TTC13: variants seen among roughly 807,000 people sequenced by gnomAD.
The protein encoded by TTC13 is tetratricopeptide repeat domain 13.
TTC13 carries 62 observed loss-of-function variants against 120.0 expected under a neutral mutation model. That is an observed-to-expected ratio of 0.52 (90% CI 0.42 to 0.64). The LOEUF (loss-of-function observed/expected upper bound fraction) is 0.64. Ranked by LOEUF, TTC13 falls within the 30% of genes least tolerant of loss-of-function variation. The probability of loss-of-function intolerance (pLI) is 0.00; values close to 1 mark genes in which losing one functional copy is unlikely to be tolerated. For missense variants in TTC13, 824 were observed against 1,050.2 expected, an observed-to-expected ratio of 0.78 and a Z score of 2.98; for synonymous variants, 384 against 393.5, an observed-to-expected ratio of 0.98 and a Z score of 0.28.
chr1:230,931,944 C>T, intron 9 of TTC13, 67 bp from the exon 10 acceptor site: 2 of 1,512,974 alleles, frequency 1.3e-6, no homozygotes, highest in Non-Finnish European at 1.8e-6. Context: ...ATAAGCTATC[C>T]TCAGAATTAT....
At position 230,942,327 on chromosome 1, in the gene TTC13, T is replaced by C. The variant is rs1435014602; in HGVS notation, c.672+1479A>G. Among the ~76,000 whole-genome samples, 5 of 152,094 alleles carry C rather than the reference T, an allele frequency of 3.3e-5. No individual in the cohort carries two copies. In the East Asian group the frequency reaches 7.7e-4, roughly 23 times the overall value. The stretch of plus-strand genomic sequence containing the variant: ...TAAACACCAACTAAATACCAGCAAG[T>C]CTCATGCAGTGATAAACTATAGTCA... On this transcript the variant is annotated intron_variant, in intron 6 of 22. Coordinates refer to ENST00000366661, the MANE Select transcript of TTC13 (RefSeq NM_024525.5). This position sits in a 1 kb window ranked among gnomAD's most constrained non-coding sequence, Gnocchi z 4.0.
chr1:230,967,352 TG>T (rs909109714), intron 1 of TTC13, among the ~76,000 whole-genome samples: 3 of 152,190 alleles, frequency 2.0e-5, no homozygotes, highest in African/African-American at 7.2e-5. Context: ...GTGTCAGCTA[TG>T]GGTTGAGACT....
At chr1:230,977,578 A>G (rs1230870235) in intron 1 of TTC13, among the ~76,000 whole-genome samples, 1 of 150,838 alleles carries the variant, frequency 6.6e-6, no homozygotes, top group African/African-American at 2.4e-5. Flanking sequence ...TTGACGTCTC[A>G]TCTCAACTAA....
At chr1:230,910,078 T>C (rs1007894739) in intron 20 of TTC13, among the ~76,000 whole-genome samples, 1 of 152,088 alleles carries the variant, frequency 6.6e-6, no homozygotes, top group African/African-American at 2.4e-5. Flanking sequence ...CATGAGATAA[T>C]GCATCCTAGC....
intron 19 of TTC13, 37 bp downstream of exon 19, chr1:230,912,586 A>T: frequency 6.2e-7 from 1 of 1,601,928 alleles, no homozygotes. Flanking sequence ...AAAGAATCAT[A>T]GGAAGAGCAG....
chr1:230,925,456 G>C (rs1334837848), intron 13 of TTC13, 61 bp downstream of exon 13: 69 of 1,582,656 alleles, frequency 4.4e-5, no homozygotes, highest in Non-Finnish European at 5.5e-5. Context: ...GCACAACATG[G>C]CTTAACCACC....
At chr1:230,929,208 A>C in intron 11 of TTC13, 115 bp from the exon 12 acceptor site, 1 of 1,144,158 alleles carries the variant, frequency 8.7e-7, no homozygotes, top group East Asian at 2.5e-5. Flanking sequence ...AAGAATTCTA[A>C]AGAGTTTCTA....
At chr1:230,950,882 C>T (rs995453823) in intron 4 of TTC13, among the ~76,000 whole-genome samples, 5 of 152,182 alleles carry the variant, frequency 3.3e-5, no homozygotes, top group African/African-American at 9.7e-5. Context: ...GGAAAAAGTT[C>T]TACTTTTCAA....
intron 3 of TTC13, 104 bp downstream of exon 3, chr1:230,958,120 G>T (rs543923026): frequency 2.7e-6 from 3 of 1,126,526 alleles, no homozygotes; most frequent in Admixed American, 5.1e-5. Flanking sequence ...GCTCAAATTG[G>T]CAAAGCCAGT....
rs763150852 is a variant in TTC13, at chr1:230,961,187, AAC to A, written c.366+20_366+21del. The A allele has an allele frequency of 1.3e-6, 2 of 1,597,870 alleles. No homozygotes were observed. Among genetic ancestry groups the A allele is most frequent in the Admixed American group, 3.4e-5 (2 of 59,308 alleles). On this transcript the variant is annotated intron_variant, in intron 2 of 22. Transcript: ENST00000366661. ...ACTGGGCTTCAGGTTACAAAAACAG[AAC>A]ACAGAGAGAAGATGCATACCAGAAT...
intron 4 of TTC13, 96 bp from the exon 5 acceptor site, chr1:230,945,550 G>T: frequency 9.1e-7 from 1 of 1,094,232 alleles, no homozygotes; most frequent in Non-Finnish European, 1.4e-6. Flanking sequence ...GCAAGTGACA[G>T]CTCTACTTCT....
At chr1:230,971,718 T>G (rs533388340) in intron 1 of TTC13, among the ~76,000 whole-genome samples, 30 of 152,136 alleles carry the variant, frequency 2.0e-4, no homozygotes, top group African/African-American at 7.2e-4. Flanking sequence ...TAAACATATG[T>G]AAAGAATCAA....
intron 14 of TTC13, among the ~76,000 whole-genome samples, chr1:230,924,297 T>G (rs1403629456): frequency 6.6e-6 from 1 of 152,202 alleles, no homozygotes; most frequent in African/African-American, 2.4e-5. Flanking sequence ...AAATGCTTCA[T>G]GTAAATAGGT....
In TTC13 at chr1:230,954,352, T is replaced by C; in HGVS notation, c.494A>G (p.His165Arg). The change falls in exon 4 of 23, where the codon CAT (histidine) becomes CGT (arginine). Residue 165 changes from histidine to arginine, a missense_variant. This residue lies in a region of TTC13 where 430 missense variants were observed against 626.8 expected (regional missense o/e 0.69). Coordinates refer to ENST00000366661, the MANE Select transcript of TTC13 (RefSeq NM_024525.5). ...ATTTACCTGAAGCATTGTTGAAAAA[T>C]GCCGTATTGCTTCATCATACAGACC... ...GSGLYDEAIRHFSTMLQEEPD... is the reference protein window; with the variant it reads ...GSGLYDEAIRRFSTMLQEEPD... The C allele has an allele frequency of 6.2e-7, 1 of 1,612,378 alleles. No individual in the cohort carries two copies. The highest frequency in any genetic ancestry group is 8.5e-7 in the Non-Finnish European group (1 of 1,179,154).
intron 8 of TTC13, among the ~76,000 whole-genome samples, chr1:230,934,864 T>C (rs2102854178): frequency 6.6e-6 from 1 of 152,346 alleles, no homozygotes; most frequent in Admixed American, 6.5e-5. Context: ...TTGTACATGG[T>C]AGGCACTCAA....
intron 1 of TTC13, among the ~76,000 whole-genome samples, chr1:230,965,351 C>A (rs1202512088): frequency 6.6e-6 from 1 of 152,086 alleles, no homozygotes; most frequent in Admixed American, 6.5e-5. Flanking sequence ...ATACAAAAGG[C>A]CAACAGGCAT....
At chr1:230,926,512 G>A (rs1423163888) in intron 12 of TTC13, among the ~76,000 whole-genome samples, 1 of 152,166 alleles carries the variant, frequency 6.6e-6, no homozygotes, top group Non-Finnish European at 1.5e-5. Flanking sequence ...AAATCACACT[G>A]TTTGAACACA....
intron 18 of TTC13, among the ~76,000 whole-genome samples, chr1:230,915,752 C>T (rs1375454183): frequency 6.6e-6 from 1 of 151,506 alleles, no homozygotes; most frequent in African/African-American, 2.4e-5. Context: ...TAAGATTATA[C>T]TACTCATTAA....
chr1:230,922,983 A>C (rs1558176280), intron 15 of TTC13, among the ~76,000 whole-genome samples: 1 of 152,234 alleles, frequency 6.6e-6, no homozygotes, highest in Non-Finnish European at 1.5e-5. Context: ...TATACAAGTC[A>C]CAAGGTGAAA....
Sources: gnomAD v4.1 joint callset for allele counts (sites outside exome capture counted in the v4.1 genomes callset) on GRCh38, gnomAD v4.1.1 for gene constraint, gnomAD v4.1.1 regional missense constraint, Gnocchi (gnomAD v3.1) non-coding constraint, MANE v1.5 for transcripts, NCBI Gene and HGNC (gene_info 2026-07-23, HGNC 2026-07-21) for gene names.